Variants in UNK observed in about 807,000 individuals in gnomAD.
UNK encodes the protein RING finger protein unkempt homolog.
A neutral mutation model predicts 97.6 loss-of-function variants in UNK; 32 were observed. That is an observed-to-expected ratio of 0.33 (90% CI 0.25 to 0.44). The LOEUF (loss-of-function observed/expected upper bound fraction) is 0.44, where lower values mean the gene tolerates loss of function less well. Ranked by LOEUF, UNK falls within the 20% of genes least tolerant of loss-of-function variation. The probability of loss-of-function intolerance (pLI) is 1.00; values close to 1 mark genes in which losing one functional copy is unlikely to be tolerated. For synonymous variants in UNK, 441 were observed against 461.2 expected (o/e 0.96, Z 0.56); for missense variants, 771 against 1,098.4 (o/e 0.70, Z 4.21).
At chr17:75,807,737 G>A (rs540208897) in intron 1 of UNK, among the ~76,000 whole-genome samples, 76 of 152,266 alleles carry the variant, frequency 5.0e-4, no homozygotes, top group Non-Finnish European at 9.7e-4. Context: ...ACAGGCATGA[G>A]CCACCGTGCC....
Position 75,825,206 on chromosome 17 carries a change from C to G in UNK, c.*789C>G, listed in dbSNP as rs929151988. ...GAGGGTCCACCCTCAGTCCTTCCCC[C>G]CGCCGCCCCTCCCCGGACTCCCCAC... On this transcript the variant is annotated 3_prime_UTR_variant, in exon 16 of 16. Coordinates refer to ENST00000589666, the MANE Select transcript of UNK (RefSeq NM_001080419.3). This position sits in a 1 kb window ranked among gnomAD's most constrained non-coding sequence, Gnocchi z 4.4. 4.6e-5 allele frequency: 7 copies of G among 152,080 alleles called. No individual in the cohort carries two copies. Among genetic ancestry groups the G allele is most frequent in the Non-Finnish European group, 1.0e-4 (7 of 67,990 alleles). 9.4% of individuals were successfully genotyped at this position (152,080 alleles called of 1,614,324 possible). A position where few individuals can be genotyped will look rare whatever the true frequency, so the allele number is the denominator to read the frequency against.
intron 1 of UNK, 111 bp downstream of exon 1, chr17:75,785,095 C>T (rs1333385968): frequency 4.3e-6 from 3 of 693,650 alleles, no homozygotes; most frequent in East Asian, 3.1e-5. Context: ...CCCCCTTCCT[C>T]CTCCGGCCCG....
chr17:75,795,459 C>T (rs2061797417), intron 1 of UNK, among the ~76,000 whole-genome samples: 1 of 152,096 alleles, frequency 6.6e-6, no homozygotes, highest in Admixed American at 6.6e-5. Context: ...AGTGCCTCAG[C>T]CTCCTGAGTA....
chr17:75,789,118 T>A (rs1244892351), intron 1 of UNK, among the ~76,000 whole-genome samples: 1 of 152,208 alleles, frequency 6.6e-6, no homozygotes, highest in African/African-American at 2.4e-5. Flanking sequence ...GATTTTTTTT[T>A]TCTAAACTCT....
At chr17:75,803,936 A>G (rs2061886808) in intron 1 of UNK, among the ~76,000 whole-genome samples, 1 of 152,248 alleles carries the variant, frequency 6.6e-6, no homozygotes, top group Non-Finnish European at 1.5e-5. Flanking sequence ...TAAAACTCCA[A>G]AGTAAAACAG....
At chr17:75,815,868 A>G (rs535769845) in intron 7 of UNK, among the ~76,000 whole-genome samples, 3 of 147,546 alleles carry the variant, frequency 2.0e-5, no homozygotes, top group East Asian at 3.9e-4. Flanking sequence ...CCTGGGCAAC[A>G]GGGCGAGACT....
Position 75,819,630 on chromosome 17 carries a change from G to T in UNK, c.1547-54G>T, listed in dbSNP as rs2062047819. ...TGCAGCGTGGGCAGTAGACGAGGTG[G>T]TCAGGGTCAGATAGTCCCTCGGGAG... On this transcript the variant is annotated intron_variant, in intron 11 of 15. Coordinates refer to ENST00000589666, the MANE Select transcript of UNK (RefSeq NM_001080419.3). This position sits in a 1 kb window ranked among gnomAD's most constrained non-coding sequence, Gnocchi z 5.4. 2.1e-5 allele frequency: 32 copies of T among 1,545,956 alleles called. No individual in the cohort carries two copies. The highest frequency in any genetic ancestry group is 1.7e-4 in the Middle Eastern group (1 of 5,972).
At chr17:75,812,696 G>T in intron 4 of UNK, 111 bp downstream of exon 4, 2 of 1,446,632 alleles carry the variant, frequency 1.4e-6, no homozygotes, top group Non-Finnish European at 9.2e-7. Context: ...CCCCGACCTG[G>T]CCCGCATCCC....
At position 75,819,651 on chromosome 17, in the gene UNK, G is replaced by C; in HGVS notation, c.1547-33G>C. 1 of 1,604,782 alleles carries C rather than the reference G, an allele frequency of 6.2e-7. No homozygotes were observed. The highest frequency in any genetic ancestry group is 8.5e-7 in the Non-Finnish European group (1 of 1,171,766). ...GGTGGTCAGGGTCAGATAGTCCCTC[G>C]GGAGGTCACATCCCACTCTTCTCTG... On this transcript the variant is annotated intron_variant, in intron 11 of 15. Transcript: ENST00000589666. The surrounding 1 kb of genome is among the most constrained non-coding windows in gnomAD (Gnocchi z 5.4).
chr17:75,819,511 A>G lies in UNK; in HGVS notation c.1547-173A>G. 1 of 617,472 alleles carries G rather than the reference A, an allele frequency of 1.6e-6. No individual in the cohort carries two copies. Among genetic ancestry groups the G allele is most frequent in the Non-Finnish European group, 2.9e-6 (1 of 347,966 alleles). 38.2% of individuals were successfully genotyped at this position (617,472 alleles called of 1,614,324 possible). A position where few individuals can be genotyped will look rare whatever the true frequency, so the allele number is the denominator to read the frequency against. On this transcript the variant is annotated intron_variant, in intron 11 of 15. Transcript: ENST00000589666. The surrounding 1 kb of genome is among the most constrained non-coding windows in gnomAD (Gnocchi z 5.4). Reference sequence around the variant, plus strand: ...TTGGACATGACTGGCAGACGGTGTCAGAAGTCAGGAGTCAGGATTGGCATA... The same window carrying G: ...TTGGACATGACTGGCAGACGGTGTCGGAAGTCAGGAGTCAGGATTGGCATA...
Position 75,819,068 on chromosome 17 carries a change from C to A in UNK, c.1546+252C>A, listed in dbSNP as rs539411578. On this transcript the variant is annotated intron_variant, in intron 11 of 15. Coordinates refer to ENST00000589666, the MANE Select transcript of UNK (RefSeq NM_001080419.3). This position sits in a 1 kb window ranked among gnomAD's most constrained non-coding sequence, Gnocchi z 5.4. ...CTTTTCCCCTTGGTGAGTACAGTCT[C>A]ACCCCAAGACGTGTTGTTCAGTCCC... 9.2e-6 allele frequency: 4 copies of A among 435,982 alleles called. No individual in the cohort carries two copies. Among genetic ancestry groups the A allele is most frequent in the African/African-American group, 6.1e-5 (3 of 49,182 alleles). 27.0% of individuals were successfully genotyped at this position (435,982 alleles called of 1,614,324 possible). A position where few individuals can be genotyped will look rare whatever the true frequency, so the allele number is the denominator to read the frequency against.
chr17:75,785,144 T>G, intron 1 of UNK, 160 bp downstream of exon 1: 2 of 510,360 alleles, frequency 3.9e-6, no homozygotes, highest in Admixed American at 4.1e-5. Context: ...CGGTCCCAAC[T>G]GCCTCCAACT....
At chr17:75,796,664 T>C (rs990055142) in intron 1 of UNK, among the ~76,000 whole-genome samples, 1 of 152,204 alleles carries the variant, frequency 6.6e-6, no homozygotes, top group African/African-American at 2.4e-5. Flanking sequence ...GTGGTTACTG[T>C]TACAAAGTTG....
intron 1 of UNK, among the ~76,000 whole-genome samples, chr17:75,789,780 G>T (rs1297047048): frequency 6.6e-6 from 1 of 152,112 alleles, no homozygotes; most frequent in Admixed American, 6.6e-5. Flanking sequence ...TAGCAATCAC[G>T]TCTCAAAATG....
At chr17:75,792,405 T>C in intron 1 of UNK, 1 of 985,470 alleles carries the variant, frequency 1.0e-6, no homozygotes, top group Non-Finnish European at 1.2e-6. Context: ...CTAATCCTAG[T>C]AGATTGTCTT....
chr17:75,815,292 C>T lies in UNK; in HGVS notation c.961+39C>T, dbSNP rs768320280. ...ATTGCCCCGGGGCAGTGCCCTCTCC[C>T]ACCCCTCCCTCGCCTGGCTAGCTCA... On this transcript the variant is annotated intron_variant, in intron 7 of 15. Transcript: ENST00000589666. 4.6e-5 allele frequency: 73 copies of T among 1,576,734 alleles called. No individual in the cohort carries two copies. In the Middle Eastern group the frequency reaches 6.7e-4, roughly 14 times the overall value.
At chr17:75,788,214 C>T (rs1459651141) in intron 1 of UNK, among the ~76,000 whole-genome samples, 5 of 149,918 alleles carry the variant, frequency 3.3e-5, no homozygotes, top group African/African-American at 9.8e-5. Flanking sequence ...AAGTCTCACT[C>T]TGTTGCCCAA....
chr17:75,796,196 A>G (rs561281636), intron 1 of UNK, among the ~76,000 whole-genome samples: 1 of 152,344 alleles, frequency 6.6e-6, no homozygotes, highest in Non-Finnish European at 1.5e-5. Flanking sequence ...ATTTGCCTGA[A>G]TAATACTCCC....
At chr17:75,811,107 G>A (rs1409604957) in intron 2 of UNK, among the ~76,000 whole-genome samples, 2 of 151,774 alleles carry the variant, frequency 1.3e-5, no homozygotes, top group East Asian at 1.9e-4. Flanking sequence ...AGGCCACCAC[G>A]CCCTGCTAAT....
Sources: allele counts gnomAD v4.1 joint callset (sites outside exome capture counted in the v4.1 genomes callset), GRCh38; gene constraint gnomAD v4.1.1; non-coding constraint Gnocchi (gnomAD v3.1); transcripts MANE v1.5; gene names NCBI Gene and HGNC (gene_info 2026-07-23, HGNC 2026-07-21).